CLOCK: variants seen among roughly 807,000 people sequenced by gnomAD.
CLOCK encodes the protein clock circadian regulator.
In CLOCK, 43 loss-of-function variants were observed where a neutral mutation model predicts 118.4. The ratio of observed to expected loss-of-function variants is 0.36; its 90% CI spans 0.28 to 0.47. CLOCK has a LOEUF of 0.47. Among genes scored for constraint, CLOCK ranks in the 20% least tolerant of loss-of-function variants. The pLI is 1.00. For synonymous variants in CLOCK, 326 were observed against 339.2 expected, an observed-to-expected ratio of 0.96 and a Z score of 0.43; for missense variants, 846 against 999.9, an observed-to-expected ratio of 0.85 and a Z score of 2.08.
chr4:55,451,155 C>T (rs1334781211), intron 15 of CLOCK, among the ~76,000 whole-genome samples: 4 of 152,136 alleles, frequency 2.6e-5, no homozygotes, highest in Non-Finnish European at 1.5e-5. Flanking sequence ...ATTCCCCCAT[C>T]CTGGAAAACT....
In CLOCK at chr4:55,438,484, C is replaced by A. The variant is rs760550527; in HGVS notation, c.2159G>T (p.Cys720Phe). The change falls in exon 22 of 23, where the codon TGT becomes TTT. Residue 720 changes from cysteine to phenylalanine, a missense_variant. Transcript: ENST00000513440. ...VTKLVTAPVA[C>F]GAVMVPSTML... ...AGTACTAGGTACCATGACTGCCCCACAAGCTACAGGAGCAGTCACTAATTT... is the reference window on the plus strand; with the variant it reads ...AGTACTAGGTACCATGACTGCCCCAAAAGCTACAGGAGCAGTCACTAATTT... The A allele has an allele frequency of 4.3e-6, 7 of 1,613,778 alleles. No individual in the cohort carries two copies. Among genetic ancestry groups the A allele is most frequent in the Non-Finnish European group, 5.9e-6 (7 of 1,180,010 alleles).
chr4:55,527,689 T>G (rs1418054557), intron 1 of CLOCK, among the ~76,000 whole-genome samples: 1 of 152,130 alleles, frequency 6.6e-6, no homozygotes, highest in Non-Finnish European at 1.5e-5. Context: ...ACTAGGTGTT[T>G]TATGATATTA....
intron 2 of CLOCK, among the ~76,000 whole-genome samples, chr4:55,493,786 C>A (rs974248682): frequency 1.3e-5 from 2 of 152,032 alleles, no homozygotes; most frequent in Non-Finnish European, 2.9e-5. Flanking sequence ...GAAAACTGAC[C>A]TGTAAGAATA....
chr4:55,487,115 CT>C (rs1727347413), intron 3 of CLOCK, among the ~76,000 whole-genome samples: 1 of 152,098 alleles, frequency 6.6e-6, no homozygotes. Context: ...TCATTTCTTA[CT>C]GTTTCTCGTT....
chr4:55,485,448 G>A (rs1045072599), intron 3 of CLOCK, among the ~76,000 whole-genome samples: 2 of 152,096 alleles, frequency 1.3e-5, no homozygotes, highest in African/African-American at 2.4e-5. Context: ...AAACTGGTAA[G>A]GTGGAACAGC....
In CLOCK at chr4:55,441,822, T is replaced by C. The variant is rs142525934; in HGVS notation, c.2105+610A>G. ...AAAATAAGTTATAGATGGTTGTTTT[T>C]CCAGAGCAGTCCACAAAACCTTCCT... is the stretch of plus-strand genomic sequence containing the variant. On this transcript the variant is annotated intron_variant, in intron 21 of 22. Transcript: ENST00000513440. 6.6e-3 allele frequency among the ~76,000 whole-genome samples: 999 copies of C among 152,260 alleles called. 17 individuals carry two copies. Among genetic ancestry groups the C allele is most frequent in the African/African-American group, 0.022 (929 of 41,528 alleles).
At chr4:55,495,881 A>C (rs953969390) in intron 2 of CLOCK, among the ~76,000 whole-genome samples, 2 of 131,506 alleles carry the variant, frequency 1.5e-5, no homozygotes, top group African/African-American at 5.1e-5. Flanking sequence ...AAAAAACACA[A>C]ACTTTTTTTA....
intron 11 of CLOCK, among the ~76,000 whole-genome samples, chr4:55,457,120 T>TC (rs1724976345): frequency 6.6e-6 from 1 of 152,230 alleles, no homozygotes; most frequent in African/African-American, 2.4e-5. Context: ...TTATTCAAAA[T>TC]TCAGACCTCT....
intron 2 of CLOCK, among the ~76,000 whole-genome samples, chr4:55,505,149 T>A (rs552098853): frequency 8.4e-6 from 1 of 118,390 alleles, no homozygotes; most frequent in Non-Finnish European, 1.8e-5. Context: ...TCTGTCCCCC[T>A]CACCCCCCCA....
intron 8 of CLOCK, among the ~76,000 whole-genome samples, chr4:55,469,112 G>C (rs139358739): frequency 4.6e-5 from 7 of 150,814 alleles, no homozygotes; most frequent in Non-Finnish European, 8.8e-5. Context: ...TAATGATTTA[G>C]AGTATTCTCT....
At chr4:55,542,729 G>GT (rs1731364470) in intron 1 of CLOCK, among the ~76,000 whole-genome samples, 1 of 152,062 alleles carries the variant, frequency 6.6e-6, no homozygotes, top group Non-Finnish European at 1.5e-5. Context: ...ATCCAAGTCA[G>GT]TATCAGTGTC....
At chr4:55,483,824 A>C (rs1486904172) in intron 3 of CLOCK, among the ~76,000 whole-genome samples, 2 of 152,216 alleles carry the variant, frequency 1.3e-5, no homozygotes, top group Non-Finnish European at 2.9e-5. Flanking sequence ...TACTATAAAG[A>C]GTCTCATACC....
chr4:55,443,943 G>T (rs775897165), intron 19 of CLOCK, 47 bp from the exon 20 acceptor site: 4 of 1,548,404 alleles, frequency 2.6e-6, no homozygotes, highest in Non-Finnish European at 2.7e-6. Context: ...AGATTGAAAA[G>T]AAGAATGAGC....
intron 8 of CLOCK, among the ~76,000 whole-genome samples, chr4:55,466,141 A>G (rs1725724203): frequency 6.6e-6 from 1 of 152,090 alleles, no homozygotes; most frequent in Non-Finnish European, 1.5e-5. Flanking sequence ...GGAGGGGCTG[A>G]GTGGGAGGTG....
chr4:55,458,845 A>T (rs1219613958), intron 11 of CLOCK, 47 bp downstream of exon 11: 1 of 1,347,164 alleles, frequency 7.4e-7, no homozygotes, highest in Non-Finnish European at 1.1e-6. Flanking sequence ...GGCAGCTCTC[A>T]GCATATGAAC....
intron 7 of CLOCK, among the ~76,000 whole-genome samples, chr4:55,473,289 T>C (rs923854717): frequency 3.9e-5 from 6 of 152,096 alleles, no homozygotes; most frequent in South Asian, 2.1e-4. Flanking sequence ...ACAGATACTA[T>C]TGTCTACTTC....
chr4:55,510,629 TAAAAAAAAAAA>T (rs3842583), intron 1 of CLOCK, among the ~76,000 whole-genome samples: 1 of 104,310 alleles, frequency 9.6e-6, no homozygotes, highest in Admixed American at 1.1e-4. Context: ...TCTGTCTTTT[TAAAAAAAAAAA>T]AAAAAAAAAA....
At position 55,438,271 on chromosome 4, in the gene CLOCK, G is replaced by T; in HGVS notation, c.2361+11C>A. 6.2e-7 allele frequency: 1 copy of T among 1,613,978 alleles called. No individual in the cohort carries two copies. Among genetic ancestry groups the T allele is most frequent in the South Asian group, 1.1e-5 (1 of 91,074 alleles). On this transcript the variant is annotated intron_variant, in intron 22 of 22. Transcript: ENST00000513440. The stretch of plus-strand genomic sequence containing the variant: ...ATGAGTTTGAAGCAGCTTCCCCATG[G>T]GGAGAATTACCTGTAAAAATTGTTG...
At chr4:55,450,006 C>T (rs1237078352) in intron 16 of CLOCK, 85 bp downstream of exon 16, 9 of 1,475,894 alleles carry the variant, frequency 6.1e-6, no homozygotes, top group South Asian at 2.3e-5. Flanking sequence ...TTTAAAGAAG[C>T]GTTTGATGAG....
Sources: allele counts gnomAD v4.1 joint callset (sites outside exome capture counted in the v4.1 genomes callset), GRCh38; gene constraint gnomAD v4.1.1; transcripts MANE v1.5; gene names NCBI Gene and HGNC (gene_info 2026-07-23, HGNC 2026-07-21).